Variants in DGKA observed in about 807,000 individuals in gnomAD.
DGKA encodes the protein diacylglycerol kinase alpha.
A neutral mutation model predicts 105.0 loss-of-function variants in DGKA; 35 were observed. The observed-to-expected ratio is 0.33, with a 90% CI of 0.25 to 0.44. The LOEUF (loss-of-function observed/expected upper bound fraction) is 0.44. Among genes scored for constraint, DGKA ranks in the 20% least tolerant of loss-of-function variants. DGKA has a pLI of 1.00. For missense variants in DGKA, 665 were observed against 915.0 expected (o/e 0.73, Z 3.53); for synonymous variants, 296 against 332.0 (o/e 0.89, Z 1.18).
intron 4 of DGKA, 151 bp downstream of exon 4, chr12:55,937,694 G>A (rs1434172451): frequency 2.8e-6 from 3 of 1,081,968 alleles, no homozygotes; most frequent in African/African-American, 3.2e-5. Flanking sequence ...GCTAAAGGGA[G>A]GAAAGGTAAA....
At chr12:55,936,970 C>G in intron 2 of DGKA, 47 bp from the exon 3 acceptor site, 1 of 1,525,062 alleles carries the variant, frequency 6.6e-7, no homozygotes, top group Non-Finnish European at 9.1e-7. Context: ...GGCAAGAGAA[C>G]TCAGCTGGAC....
At chr12:55,946,796 T>G (rs886776844) in intron 17 of DGKA, among the ~76,000 whole-genome samples, 9 of 152,182 alleles carry the variant, frequency 5.9e-5, no homozygotes, top group Admixed American at 3.3e-4. Flanking sequence ...AGAGGTTAAG[T>G]GAAGACTTTC....
chr12:55,951,607 T>C lies in DGKA; in HGVS notation c.1427-16T>C. On this transcript the variant is annotated splice_polypyrimidine_tract_variant and intron_variant, in intron 17 of 23. Coordinates refer to ENST00000331886, the MANE Select transcript of DGKA (RefSeq NM_001345.5). ...GGACCCAGAGCTCAGTGCTAACCTG[T>C]CTTCTCCACTCCTAGGTTATGAAGG... 6.2e-7 allele frequency: 1 copy of C among 1,612,716 alleles called. No homozygotes were observed. Among genetic ancestry groups the C allele is most frequent in the East Asian group, 2.2e-5 (1 of 44,848 alleles).
At chr12:55,931,860 C>A (rs975145429) in intron 1 of DGKA, 1 of 152,266 alleles carries the variant, frequency 6.6e-6, no homozygotes, top group Admixed American at 6.5e-5. Context: ...GTCCAAAGCC[C>A]CGGACATATT....
intron 23 of DGKA, 48 bp from the exon 24 acceptor site, chr12:55,953,637 C>T (rs1426224495): frequency 6.3e-7 from 1 of 1,579,006 alleles, no homozygotes; most frequent in African/African-American, 1.3e-5. Flanking sequence ...GAAGCCACAG[C>T]CCCAAAGTAT....
At chr12:55,941,067 G>A in intron 13 of DGKA, 87 bp downstream of exon 13, 1 of 1,455,672 alleles carries the variant, frequency 6.9e-7, no homozygotes, top group Non-Finnish European at 9.5e-7. Context: ...GGAGAGCCTG[G>A]TGGGGAGCGG....
intron 3 of DGKA, 123 bp downstream of exon 3, chr12:55,937,213 C>A: frequency 8.1e-7 from 1 of 1,242,060 alleles, no homozygotes; most frequent in Non-Finnish European, 1.2e-6. Context: ...ACCCTAGTGT[C>A]CATTGTCACT....
chr12:55,939,871 G>T (rs1311336280), intron 9 of DGKA: 1 of 601,904 alleles, frequency 1.7e-6, no homozygotes, highest in Non-Finnish European at 3.0e-6. Flanking sequence ...CACATGGATG[G>T]TGTGGGGCAG....
Position 55,951,729 on chromosome 12 carries a change from A to T in DGKA, c.1533A>T (p.Glu511Asp). The T allele has an allele frequency of 6.2e-7, 1 of 1,614,062 alleles. No homozygotes were observed. Among genetic ancestry groups the T allele is most frequent in the South Asian group, 1.1e-5 (1 of 91,072 alleles). The change falls in exon 18 of 24, where the codon GAA becomes GAT. Residue 511 changes from glutamate to aspartate, a missense_variant. This residue lies in a region of DGKA where 504 missense variants were observed against 681.2 expected (regional missense o/e 0.74). Transcript: ENST00000331886. The stretch of plus-strand genomic sequence containing the variant: ...AGGTGATACCTCAACAAACTGAAGA[A>T]AAAAGTGACCCAGTCCCCTTTCAAA... ...SVEVIPQQTE[E>D]KSDPVPFQII...
At position 55,937,432 on chromosome 12, in the gene DGKA, C is replaced by A. The variant is rs1184018231; in HGVS notation, c.163C>A (p.Gln55Lys). The A allele has an allele frequency of 1.9e-6, 3 of 1,614,134 alleles. No individual in the cohort carries two copies. The highest frequency in any genetic ancestry group is 2.5e-6 in the Non-Finnish European group (3 of 1,180,004). ...GDAIGYEGFQ[Q>K]FLKIYLEVDN... is the part of the protein sequence containing the mutation. ...GGCCATTGGGTACGAGGGATTCCAG[C>A]AATTCCTGAAAATCTATCTCGAAGT... is the stretch of plus-strand genomic sequence containing the variant. The change falls in exon 4 of 24, where the codon CAA becomes AAA. Residue 55 changes from glutamine (Q) to lysine (K), a missense_variant. Physicochemically the swap from Gln to Lys is moderately conservative, Grantham distance 53. Around this residue, in one of 3 missense-constraint regions of DGKA, gnomAD observed 504 missense variants for 681.2 expected, o/e 0.74. Transcript: ENST00000331886.
At chr12:55,942,647 AT>A (rs1886262133) in intron 17 of DGKA, 1 of 243,398 alleles carries the variant, frequency 4.1e-6, no homozygotes, top group Non-Finnish European at 8.2e-6. Context: ...CATTCAAACA[AT>A]TAACCAGGTA....
Position 55,932,766 on chromosome 12 carries a change from G to C in DGKA, c.-82+1422G>C, listed in dbSNP as rs922017086. The C allele has an allele frequency of 5.1e-6, 3 of 584,614 alleles. No homozygotes were observed. The Admixed American group carries it at 8.4e-5, about 16-fold the overall frequency. The allele number at this position is 584,614 out of a possible 1,614,324, so 36.2% of individuals were successfully genotyped here. A position where few individuals can be genotyped will look rare whatever the true frequency, so the allele number is the denominator to read the frequency against. On this transcript the variant is annotated intron_variant, in intron 1 of 23. Coordinates refer to ENST00000331886, the MANE Select transcript of DGKA (RefSeq NM_001345.5). The surrounding 1 kb of genome is among the most constrained non-coding windows in gnomAD (Gnocchi z 4.3). ...AACCCCCTCAGCCAGGTGTAGCACT[G>C]CAGTCTTCAGTGTTTGTGGAGGCTT...
chr12:55,942,115 T>A, intron 16 of DGKA, 32 bp downstream of exon 16: 1 of 1,613,846 alleles, frequency 6.2e-7, no homozygotes, highest in Non-Finnish European at 8.5e-7. Context: ...GGGAAGGTAT[T>A]GGGGTCGTAG....
At chr12:55,933,069 C>G (rs1158618000) in intron 1 of DGKA, among the ~76,000 whole-genome samples, 1 of 152,212 alleles carries the variant, frequency 6.6e-6, no homozygotes. Flanking sequence ...AATACTAACA[C>G]AGGCTTTGGA....
intron 2 of DGKA, 186 bp downstream of exon 2, chr12:55,936,753 CCA>C (rs1884808865): frequency 4.2e-6 from 4 of 950,878 alleles, no homozygotes; most frequent in Admixed American, 1.8e-5. Context: ...TCCGGATCTA[CCA>C]CAGTCTAACT....
intron 16 of DGKA, 23 bp from the exon 17 acceptor site, chr12:55,942,151 C>T (rs201814289): frequency 3.6e-4 from 575 of 1,613,758 alleles, no homozygotes; most frequent in Non-Finnish European, 4.5e-4. Flanking sequence ...TCACTCCATC[C>T]TTCTCTTCAC....
At chr12:55,946,207 G>C (rs1886962627) in intron 17 of DGKA, among the ~76,000 whole-genome samples, 1 of 148,628 alleles carries the variant, frequency 6.7e-6, no homozygotes, top group African/African-American at 2.5e-5. Flanking sequence ...TTTTGCTCTT[G>C]TTGCCCAGGC....
In DGKA at chr12:55,940,787, G is replaced by A. The variant is rs753661286; in HGVS notation, c.1017+65G>A. The A allele has an allele frequency of 2.4e-5, 39 of 1,602,760 alleles. No individual in the cohort carries two copies. The highest frequency in any genetic ancestry group is 3.2e-5 in the Non-Finnish European group (37 of 1,169,986). On this transcript the variant is annotated intron_variant, in intron 12 of 23. Transcript: ENST00000331886. This position sits in a 1 kb window ranked among gnomAD's most constrained non-coding sequence, Gnocchi z 4.3. ...CTCCCCGATTTCCCACACGCACAGA[G>A]TGGCATTTAGAATAGAGAGCTCATA... is the stretch of plus-strand genomic sequence containing the variant.
chr12:55,951,944 T>A, intron 18 of DGKA, 91 bp from the exon 19 acceptor site: 3 of 1,542,130 alleles, frequency 1.9e-6, no homozygotes, highest in African/African-American at 2.7e-5. Context: ...TGGGACATGC[T>A]GTGGGGAGCA....
Sources: allele counts gnomAD v4.1 joint callset (sites outside exome capture counted in the v4.1 genomes callset), GRCh38; gene constraint gnomAD v4.1.1; regional missense constraint gnomAD v4.1.1; non-coding constraint Gnocchi (gnomAD v3.1); transcripts MANE v1.5; gene names NCBI Gene and HGNC (gene_info 2026-07-23, HGNC 2026-07-21).